PAFAH2: variants seen among roughly 807,000 people sequenced by gnomAD.
PAFAH2 encodes the protein platelet-activating factor acetylhydrolase 2, cytoplasmic.
PAFAH2 carries 42 observed loss-of-function variants against 49.0 expected under a neutral mutation model. That is an observed-to-expected ratio of 0.86 (90% CI 0.67 to 1.11). PAFAH2 has a LOEUF of 1.11. PAFAH2 is among the 50% of genes least tolerant of loss of function. PAFAH2 has a pLI of 0.00. For missense variants in PAFAH2, 503 were observed against 501.8 expected (o/e 1.00, Z -0.02); for synonymous variants, 184 against 181.3 (o/e 1.01, Z -0.12).
Position 25,972,657 on chromosome 1 carries a change from CA to C in PAFAH2, c.984del (p.Ile328MetfsTer36). ...CGGGTTTCAGTGGAGAAGAATTTAC[CA>C]ATCAAGTTGCCAGTCACAAAAGCAA... ...TDFAFVTGNL[I>X]GKFFSTETRG... is the part of the protein sequence containing the mutation. On this transcript the variant is annotated frameshift_variant, in exon 10 of 11. Transcript: ENST00000374282. LOFTEE classifies it high-confidence loss of function. 1 of 1,613,914 alleles carries C rather than the reference CA, an allele frequency of 6.2e-7. No individual in the cohort carries two copies. Among genetic ancestry groups the C allele is most frequent in the Non-Finnish European group, 8.5e-7 (1 of 1,179,844 alleles).
chr1:25,994,663 A>G (rs1419697896), intron 1 of PAFAH2, among the ~76,000 whole-genome samples: 6 of 152,200 alleles, frequency 3.9e-5, no homozygotes, highest in African/African-American at 7.2e-5. Flanking sequence ...TGGGGAGTCA[A>G]GAGCCAATAA....
At chr1:25,993,522 A>T (rs2049902353) in intron 1 of PAFAH2, among the ~76,000 whole-genome samples, 1 of 152,244 alleles carries the variant, frequency 6.6e-6, no homozygotes, top group East Asian at 1.9e-4. Context: ...TCTGGTCTCA[A>T]CAATCCTAAC....
At chr1:25,968,936 A>C (rs994520385) in intron 10 of PAFAH2, among the ~76,000 whole-genome samples, 3 of 152,036 alleles carry the variant, frequency 2.0e-5, no homozygotes, top group Non-Finnish European at 2.9e-5. Context: ...ATTACTGCAA[A>C]AGCCTCCTAC....
chr1:25,990,616 G>A (rs775286762), intron 2 of PAFAH2, 111 bp downstream of exon 2: 8 of 860,858 alleles, frequency 9.3e-6, no homozygotes, highest in Non-Finnish European at 1.5e-5. Flanking sequence ...ATCCAGACCC[G>A]CTCTAATTCA....
intron 7 of PAFAH2, among the ~76,000 whole-genome samples, chr1:25,981,021 G>T (rs919755130): frequency 6.6e-6 from 1 of 151,908 alleles, no homozygotes; most frequent in African/African-American, 2.4e-5. Context: ...AATAATAAAG[G>T]TCAAGCTATA....
intron 7 of PAFAH2, among the ~76,000 whole-genome samples, chr1:25,980,467 C>T (rs1332968855): frequency 6.6e-6 from 1 of 151,538 alleles, no homozygotes; most frequent in Non-Finnish European, 1.5e-5. Flanking sequence ...GGACTATATG[C>T]CCAGCTAATT....
chr1:25,978,801 T>C (rs1287936462), intron 7 of PAFAH2, among the ~76,000 whole-genome samples: 5 of 152,218 alleles, frequency 3.3e-5, no homozygotes, highest in Admixed American at 6.5e-5. Flanking sequence ...TTGAACTTTA[T>C]GTAGGAGAGA....
chr1:25,994,258 T>C (rs2049911348), intron 1 of PAFAH2, among the ~76,000 whole-genome samples: 1 of 151,204 alleles, frequency 6.6e-6, no homozygotes, highest in African/African-American at 2.4e-5. Flanking sequence ...GCCTCCTGGG[T>C]GGCTGGGACT....
chr1:25,984,438 T>C lies in PAFAH2; in HGVS notation c.410+22A>G, dbSNP rs751473244. On this transcript the variant is annotated intron_variant, in intron 5 of 10. Transcript: ENST00000374282. ...ATCCTAGCTCACTGCAGGCACCCAA[T>C]CCATGGCGGCTCATCCCTCACCTGT... The C allele has an allele frequency of 5.0e-6, 8 of 1,601,220 alleles. No individual in the cohort carries two copies. The African/African-American group carries it at 8.0e-5, about 16-fold the overall frequency.
In PAFAH2 at chr1:25,962,068, T is replaced by C. The variant is rs752301352; in HGVS notation, c.1100A>G (p.Tyr367Cys). ...LQKHLDLKEDYNQWNNLIEGI... is the reference protein window; with the variant it reads ...LQKHLDLKEDCNQWNNLIEGI... ...TTCAATAAGGTTGTTCCATTGATTA[T>C]AGTCTTCTTTCAGGTCTGAAAAGGA... The change falls in exon 11 of 11, where the codon TAT (tyrosine) becomes TGT (cysteine). Residue 367 changes from tyrosine (Y) to cysteine (C), a missense_variant. Coordinates refer to ENST00000374282, the MANE Select transcript of PAFAH2 (RefSeq NM_000437.4). 2 of 1,613,462 alleles carry C rather than the reference T, an allele frequency of 1.2e-6. No homozygotes were observed. Among genetic ancestry groups the C allele is most frequent in the Non-Finnish European group, 1.7e-6 (2 of 1,179,716 alleles).
chr1:25,997,882 GTGTC>G (rs2049958431), intron 1 of PAFAH2, 139 bp downstream of exon 1: 2 of 152,350 alleles, frequency 1.3e-5, no homozygotes, highest in Non-Finnish European at 2.9e-5. Flanking sequence ...GTGGCTACAG[GTGTC>G]TGAATAGGAA....
At chr1:25,989,417 GA>G in intron 3 of PAFAH2, 30 bp downstream of exon 3, 1 of 1,528,390 alleles carries the variant, frequency 6.5e-7, no homozygotes, top group Non-Finnish European at 8.8e-7. Flanking sequence ...AAGCAACTGG[GA>G]AAGCATGCAG....
At chr1:25,984,369 G>T in intron 5 of PAFAH2, 91 bp downstream of exon 5, 2 of 980,254 alleles carry the variant, frequency 2.0e-6, no homozygotes, top group Non-Finnish European at 3.1e-6. Flanking sequence ...TTGCACGGTT[G>T]TCGAGAGGGT....
chr1:25,975,256 T>G (rs2049571794), intron 8 of PAFAH2, among the ~76,000 whole-genome samples: 1 of 152,004 alleles, frequency 6.6e-6, no homozygotes, highest in South Asian at 2.1e-4. Context: ...AGGACAATCA[T>G]CTTCCACTCA....
intron 9 of PAFAH2, among the ~76,000 whole-genome samples, chr1:25,973,541 T>C (rs1274684018): frequency 6.6e-6 from 1 of 152,162 alleles, no homozygotes; most frequent in Non-Finnish European, 1.5e-5. Flanking sequence ...CCTTCCCAAC[T>C]GGCCTCACCT....
rs528460871 is a variant in PAFAH2, at chr1:25,982,286, A to C, written c.666+78T>G. 9.4e-4 allele frequency: 966 copies of C among 1,025,724 alleles called. 1 individual carries two copies. Among genetic ancestry groups the C allele is most frequent in the Non-Finnish European group, 1.4e-3 (899 of 654,242 alleles). The allele number at this position is 1,025,724 out of a possible 1,614,324, so 63.5% of individuals were successfully genotyped here. ...AATCAATTCTCTTTTGGTTCATACC[A>C]GTTAGTTAGGTTTCTGTTACTTGTA... is the stretch of plus-strand genomic sequence containing the variant. On this transcript the variant is annotated intron_variant, in intron 7 of 10. Coordinates refer to ENST00000374282, the MANE Select transcript of PAFAH2 (RefSeq NM_000437.4).
Position 25,971,072 on chromosome 1 carries a change from C to T in PAFAH2, c.1084+1486G>A, listed in dbSNP as rs367777643. ...CAAATATCTAGGGAACTGCCAGGTG[C>T]CGTCTGAGGCTTCTATGGGTAGCTC... On this transcript the variant is annotated intron_variant, in intron 10 of 10. Coordinates refer to ENST00000374282, the MANE Select transcript of PAFAH2 (RefSeq NM_000437.4). Among the ~76,000 whole-genome samples the T allele has an allele frequency of 1.2e-4, 19 of 152,256 alleles. No homozygotes were observed. In the South Asian group the frequency reaches 3.7e-3, roughly 30 times the overall value.
chr1:25,976,756 G>A lies in PAFAH2; in HGVS notation c.684C>T (p.Ser228=). Residue 228 remains serine (S), a synonymous_variant, in exon 8 of 11, where the codon AGC becomes AGT. Coordinates refer to ENST00000374282, the MANE Select transcript of PAFAH2 (RefSeq NM_000437.4). The part of the protein sequence containing the change: ...LMTLKGNIDM[S]RVAVMGHSFG... ...ATGAATGTCCCATCACAGCCACACGGCTCATGTCAATGTTGCCCTGAGGAA... is the reference window on the plus strand; with the variant it reads ...ATGAATGTCCCATCACAGCCACACGACTCATGTCAATGTTGCCCTGAGGAA... The A allele has an allele frequency of 6.2e-7, 1 of 1,614,072 alleles. No homozygotes were observed. The highest frequency in any genetic ancestry group is 8.5e-7 in the Non-Finnish European group (1 of 1,179,940).
At chr1:25,981,282 T>C (rs943799622) in intron 7 of PAFAH2, among the ~76,000 whole-genome samples, 2 of 150,350 alleles carry the variant, frequency 1.3e-5, no homozygotes, top group African/African-American at 4.9e-5. Context: ...ATCAAAATAT[T>C]GAAAAAGGTT....
Sources: gnomAD v4.1 joint callset for allele counts (sites outside exome capture counted in the v4.1 genomes callset) on GRCh38, gnomAD v4.1.1 for gene constraint, MANE v1.5 for transcripts, NCBI Gene and HGNC (gene_info 2026-07-23, HGNC 2026-07-21) for gene names.